The following PRELID2 variants were observed in gnomAD, a reference collection of about 807,000 sequenced individuals.
PRELID2 encodes the protein PRELI domain containing 2.
In PRELID2, 25 loss-of-function variants were observed where a neutral mutation model predicts 28.4. That is an observed-to-expected ratio of 0.88 (90% CI 0.64 to 1.23). The LOEUF is 1.23. Among genes scored for constraint, PRELID2 ranks in the 50% most tolerant of loss-of-function variants. The pLI is 0.00. For synonymous variants in PRELID2, 76 were observed against 71.6 expected, an observed-to-expected ratio of 1.06 and a Z score of -0.31; for missense variants, 201 against 214.4, an observed-to-expected ratio of 0.94 and a Z score of 0.39.
intron 4 of PRELID2, among the ~76,000 whole-genome samples, chr5:145,803,111 T>C (rs957913495): frequency 3.3e-5 from 5 of 152,106 alleles, no homozygotes; most frequent in Admixed American, 6.5e-5. Context: ...CTAATCATGT[T>C]TTTAGCATTC....
intron 1 of PRELID2, among the ~76,000 whole-genome samples, chr5:145,597,645 T>C (rs909205133): frequency 1.3e-5 from 2 of 152,156 alleles, no homozygotes; most frequent in Non-Finnish European, 2.9e-5. Flanking sequence ...CATACTGATA[T>C]GGCATTCTAC....
chr5:145,285,199 C>T, the PRELID2 span, among the ~76,000 whole-genome samples: 1 of 152,064 alleles, frequency 6.6e-6, no homozygotes, highest in African/African-American at 2.4e-5. Context: ...GTTATTCATA[C>T]TATCAGTCTG....
intron 1 of PRELID2, among the ~76,000 whole-genome samples, chr5:145,833,805 C>T (rs750224075): frequency 4.1e-4 from 62 of 152,220 alleles, no homozygotes; most frequent in Non-Finnish European, 6.6e-4. Flanking sequence ...CCCGTGGCTG[C>T]TAACCAAGGC....
chr5:145,477,036 G>T (rs1392887912), intron 1 of PRELID2, among the ~76,000 whole-genome samples: 1 of 152,142 alleles, frequency 6.6e-6, no homozygotes, highest in East Asian at 1.9e-4. Flanking sequence ...TAATTCTGGA[G>T]CCCATTCTGT....
the PRELID2 span, among the ~76,000 whole-genome samples, chr5:145,339,853 G>T: frequency 6.6e-6 from 1 of 152,158 alleles, no homozygotes; most frequent in Non-Finnish European, 1.5e-5. Context: ...CTGAGGCATG[G>T]CTGACACTGT....
chr5:145,605,831 G>GCAATAT (rs1753496367), intron 1 of PRELID2, among the ~76,000 whole-genome samples: 1 of 152,092 alleles, frequency 6.6e-6, no homozygotes, highest in East Asian at 1.9e-4. Context: ...AATAGCAATA[G>GCAATAT]CATTGAATCT....
chr5:145,738,507 G>A (rs1454413307), intron 1 of PRELID2, among the ~76,000 whole-genome samples: 1 of 151,910 alleles, frequency 6.6e-6, no homozygotes, highest in African/African-American at 2.4e-5. Flanking sequence ...AGAGCCAAAT[G>A]GAAAATTAGA....
chr5:145,703,446 T>C (rs1283827416), intron 1 of PRELID2, among the ~76,000 whole-genome samples: 1 of 152,214 alleles, frequency 6.6e-6, no homozygotes, highest in African/African-American at 2.4e-5. Context: ...AGCTTTACTC[T>C]TATGACAACC....
At chr5:145,483,162 C>G (rs1752178301) in intron 1 of PRELID2, among the ~76,000 whole-genome samples, 1 of 152,136 alleles carries the variant, frequency 6.6e-6, no homozygotes, top group South Asian at 2.1e-4. Flanking sequence ...TGTGTTCACA[C>G]CCTGTACGAT....
chr5:145,771,945 A>T (rs1225960515), intron 5 of PRELID2, among the ~76,000 whole-genome samples: 1 of 152,192 alleles, frequency 6.6e-6, no homozygotes, highest in Non-Finnish European at 1.5e-5. Flanking sequence ...AGGGATCTAC[A>T]TCCAGTTTTC....
the PRELID2 span, among the ~76,000 whole-genome samples, chr5:145,367,151 A>G: frequency 9.4e-5 from 14 of 148,900 alleles, no homozygotes; most frequent in Non-Finnish European, 2.9e-5. Context: ...CTCTCATCTC[A>G]TCTTTTAGGT....
the PRELID2 span, among the ~76,000 whole-genome samples, chr5:145,412,014 G>GC: frequency 2.6e-5 from 4 of 152,194 alleles, no homozygotes; most frequent in Admixed American, 2.6e-4. Context: ...GCTGCACACA[G>GC]CAGGGGGTCC....
At chr5:145,584,264 C>T (rs1753133267) in intron 1 of PRELID2, among the ~76,000 whole-genome samples, 1 of 152,110 alleles carries the variant, frequency 6.6e-6, no homozygotes, top group South Asian at 2.1e-4. Flanking sequence ...GGACCCCTTT[C>T]TTACACCTTA....
chr5:145,239,816 T>C, the PRELID2 span, among the ~76,000 whole-genome samples: 1 of 152,032 alleles, frequency 6.6e-6, no homozygotes, highest in Admixed American at 6.6e-5. Context: ...CTTTAGAATA[T>C]TCTCAGACAT....
the PRELID2 span, among the ~76,000 whole-genome samples, chr5:145,308,622 A>ATT: frequency 2.4e-4 from 35 of 146,990 alleles, no homozygotes; most frequent in African/African-American, 6.2e-4. Flanking sequence ...GTTAGAGTGT[A>ATT]TTTTTTTTTT....
At chr5:145,679,386 TTA>T (rs1487983945) in intron 1 of PRELID2, among the ~76,000 whole-genome samples, 17 of 152,350 alleles carry the variant, frequency 1.1e-4, no homozygotes, top group Non-Finnish European at 2.4e-4. Flanking sequence ...AGCTCAAATG[TTA>T]TCTCTTTGTA....
chr5:145,376,383 T>C, the PRELID2 span, among the ~76,000 whole-genome samples: 1 of 152,146 alleles, frequency 6.6e-6, no homozygotes, highest in Non-Finnish European at 1.5e-5. Context: ...TTTGCCAGGT[T>C]TTGATATCAG....
chr5:145,789,552 A>G lies in PRELID2; in HGVS notation c.474+6890T>C, dbSNP rs187706546. The stretch of plus-strand genomic sequence containing the variant: ...CTGAAGCTATAAAATTACTAGAAGG[A>G]AATACAAGGGAAAAAATCCATGACA... On this transcript the variant is annotated intron_variant, in intron 5 of 6. Transcript: ENST00000683046. Among the ~76,000 whole-genome samples, 4 of 152,344 alleles carry G rather than the reference A, an allele frequency of 2.6e-5. No homozygotes were observed. The East Asian group carries it at 7.7e-4, about 29-fold the overall frequency.
At chr5:145,298,360 A>G in the PRELID2 span, among the ~76,000 whole-genome samples, 304 of 152,196 alleles carry the variant, frequency 2.0e-3, 1 homozygote, top group African/African-American at 6.4e-3. Context: ...AGAAAAACAA[A>G]CAATGGGGAA....
Sources: gnomAD v4.1 joint callset for allele counts (sites outside exome capture counted in the v4.1 genomes callset) on GRCh38, gnomAD v4.1.1 for gene constraint, MANE v1.5 for transcripts, NCBI Gene and HGNC (gene_info 2026-07-23, HGNC 2026-07-21) for gene names.